The following MICAL3 variants were observed in gnomAD, a reference collection of about 807,000 sequenced individuals.
The protein encoded by MICAL3 is microtubule associated monooxygenase, calponin and LIM domain containing 3.
A neutral mutation model predicts 207.4 loss-of-function variants in MICAL3; 62 were observed. That is an observed-to-expected ratio of 0.30 (90% CI 0.24 to 0.37). MICAL3 has a LOEUF of 0.37. Ranked by LOEUF, MICAL3 falls within the 10% of genes least tolerant of loss-of-function variation. The pLI, the probability that MICAL3 is intolerant of heterozygous loss-of-function variation, is 1.00. For missense variants in MICAL3, 2,368 were observed against 2,635.6 expected (o/e 0.90, Z 2.22); for synonymous variants, 1,077 against 1,069.3 (o/e 1.01, Z -0.14).
At chr22:17,887,004 A>G (rs1446126392) in intron 15 of MICAL3, among the ~76,000 whole-genome samples, 166 bp downstream of exon 15, 7 of 147,980 alleles carry the variant, frequency 4.7e-5, no homozygotes, top group African/African-American at 1.3e-4. Context: ...AAAAAAAAAA[A>G]AAAAAAAAAA....
Position 17,922,593 on chromosome 22 carries a change from G to A in MICAL3, c.-74-15707C>T, listed in dbSNP as rs146367471. On this transcript the variant is annotated intron_variant, in intron 1 of 31. Coordinates refer to ENST00000441493, the MANE Select transcript of MICAL3 (RefSeq NM_015241.3). Reference sequence around the variant, plus strand: ...TATTATGATGTTGAAGCTCCCAAGAGTTAGAATGGCTGAAGGGAAGACTCA... The same window carrying A: ...TATTATGATGTTGAAGCTCCCAAGAATTAGAATGGCTGAAGGGAAGACTCA... Among the ~76,000 whole-genome samples, 30 of 152,268 alleles carry A rather than the reference G, an allele frequency of 2.0e-4. No homozygotes were observed. The East Asian group carries it at 4.1e-3, about 21-fold the overall frequency.
intron 1 of MICAL3, among the ~76,000 whole-genome samples, chr22:17,915,116 C>T (rs1161348408): frequency 6.6e-6 from 1 of 151,086 alleles, no homozygotes; most frequent in African/African-American, 2.4e-5. Context: ...CAAAAAAAAG[C>T]TGTTCTCCTC....
At chr22:17,912,475 G>A (rs2083882) in intron 1 of MICAL3, among the ~76,000 whole-genome samples, 114,415 of 152,074 alleles carry the variant, frequency 0.75, 43,168 homozygotes, top group East Asian at 0.94. Context: ...ACCCATAAGC[G>A]TGAATTTGTT....
chr22:17,879,845 C>T (rs1451082845), intron 16 of MICAL3, among the ~76,000 whole-genome samples: 2 of 152,178 alleles, frequency 1.3e-5, no homozygotes, highest in Non-Finnish European at 2.9e-5. Context: ...CCAGAGGAAA[C>T]TCCAGAGTGG....
At chr22:17,971,623 G>A (rs544156119) in intron 1 of MICAL3, among the ~76,000 whole-genome samples, 2 of 152,350 alleles carry the variant, frequency 1.3e-5, no homozygotes, top group East Asian at 3.9e-4. Flanking sequence ...AGCACAGAAT[G>A]TGAACAGAAC....
chr22:17,816,599 G>A (rs910294773), intron 27 of MICAL3, 91 bp downstream of exon 27: 59 of 1,019,886 alleles, frequency 5.8e-5, no homozygotes, highest in African/African-American at 5.6e-4. Flanking sequence ...CCTGGCTTGC[G>A]GTTTGCTCTC....
chr22:17,847,584 G>C (rs1446419969), intron 19 of MICAL3, among the ~76,000 whole-genome samples: 3 of 152,232 alleles, frequency 2.0e-5, no homozygotes, highest in Non-Finnish European at 2.9e-5. Context: ...TCTGCTAAGA[G>C]AGGCTGATGA....
chr22:17,929,985 C>G (rs1933161888), intron 1 of MICAL3, among the ~76,000 whole-genome samples: 1 of 152,156 alleles, frequency 6.6e-6, no homozygotes, highest in Admixed American at 6.5e-5. Context: ...CGGAAAAAAA[C>G]AGACACCAAA....
chr22:17,922,111 A>G (rs983055855), intron 1 of MICAL3, among the ~76,000 whole-genome samples: 3 of 134,798 alleles, frequency 2.2e-5, no homozygotes, highest in Non-Finnish European at 4.8e-5. Context: ...CCCAGCCCCA[A>G]GCAGCCAATC....
intron 1 of MICAL3, among the ~76,000 whole-genome samples, chr22:17,942,574 G>A (rs576681975): frequency 4.8e-4 from 73 of 152,344 alleles, no homozygotes; most frequent in African/African-American, 1.7e-3. Context: ...AGACCTCACC[G>A]AGTCTGAAGA....
At chr22:17,986,064 G>A (rs1920990794) in intron 1 of MICAL3, among the ~76,000 whole-genome samples, 1 of 152,106 alleles carries the variant, frequency 6.6e-6, no homozygotes, top group African/African-American at 2.4e-5. Flanking sequence ...CCGCCACCAT[G>A]CCCAGCTAAT....
chr22:17,954,670 T>G (rs376635845), intron 1 of MICAL3, among the ~76,000 whole-genome samples: 2 of 151,908 alleles, frequency 1.3e-5, no homozygotes, highest in African/African-American at 4.8e-5. Flanking sequence ...CAACACTTGA[T>G]GAACAAACAG....
chr22:18,011,897 A>G (rs1008754377), intron 1 of MICAL3, among the ~76,000 whole-genome samples: 8 of 150,208 alleles, frequency 5.3e-5, no homozygotes, highest in Non-Finnish European at 1.2e-4. Flanking sequence ...GTCTCAAAAA[A>G]TAATAATAAT....
At chr22:17,850,414 T>TTTG (rs1925193692) in intron 19 of MICAL3, among the ~76,000 whole-genome samples, 1 of 131,028 alleles carries the variant, frequency 7.6e-6, no homozygotes, top group Non-Finnish European at 1.6e-5. Flanking sequence ...TTTTTTTTTT[T>TTTG]TTTTTTTTTT....
intron 1 of MICAL3, among the ~76,000 whole-genome samples, chr22:17,952,819 C>G (rs1009469325): frequency 6.6e-6 from 1 of 152,216 alleles, no homozygotes; most frequent in African/African-American, 2.4e-5. Flanking sequence ...AGCCTCGGTT[C>G]GATCCCAGCT....
intron 17 of MICAL3, among the ~76,000 whole-genome samples, chr22:17,866,235 T>C (rs1053532579): frequency 2.0e-5 from 3 of 152,180 alleles, no homozygotes; most frequent in South Asian, 2.1e-4. Flanking sequence ...GTCTTTTCCT[T>C]TGGGAATGTG....
intron 1 of MICAL3, among the ~76,000 whole-genome samples, chr22:17,963,003 C>T (rs552292691): frequency 6.6e-6 from 1 of 152,318 alleles, no homozygotes; most frequent in South Asian, 2.1e-4. Context: ...CTTCCTGCCT[C>T]AGCCTCCCAA....
At chr22:17,863,419 C>T (rs1487784046) in intron 19 of MICAL3, 2 of 985,206 alleles carry the variant, frequency 2.0e-6, no homozygotes, top group African/African-American at 3.5e-5. Context: ...CTGTCTAGAC[C>T]CCTTTGGTTA....
chr22:17,856,585 G>T (rs1023841114), intron 19 of MICAL3, among the ~76,000 whole-genome samples: 3 of 148,722 alleles, frequency 2.0e-5, no homozygotes, highest in East Asian at 2.0e-4. Flanking sequence ...CACGTTAGAT[G>T]AAACTCTAGA....
Sources: gnomAD v4.1 joint callset for allele counts (sites outside exome capture counted in the v4.1 genomes callset) on GRCh38, gnomAD v4.1.1 for gene constraint, MANE v1.5 for transcripts, NCBI Gene and HGNC (gene_info 2026-07-23, HGNC 2026-07-21) for gene names.